CPLX2: variants seen among roughly 807,000 people sequenced by gnomAD.
CPLX2 encodes the protein complexin 2.
A neutral mutation model predicts 16.3 loss-of-function variants in CPLX2; 5 were observed. That is an observed-to-expected ratio of 0.31 (90% CI 0.16 to 0.64). The LOEUF is 0.64. Among genes scored for constraint, CPLX2 ranks in the 30% least tolerant of loss-of-function variants. The probability of loss-of-function intolerance (pLI) is 0.79; values close to 1 mark genes in which losing one functional copy is unlikely to be tolerated. For synonymous variants in CPLX2, 89 were observed against 73.2 expected, an observed-to-expected ratio of 1.22 and a Z score of -1.10; for missense variants, 144 against 181.4, an observed-to-expected ratio of 0.79 and a Z score of 1.18.
intron 2 of CPLX2, among the ~76,000 whole-genome samples, chr5:175,853,067 C>T (rs1477809642): frequency 6.6e-6 from 1 of 152,216 alleles, no homozygotes; most frequent in Non-Finnish European, 1.5e-5. Context: ...CACGGGTTTC[C>T]TTTTCACTGC....
At chr5:175,858,314 C>T (rs1759298797) in intron 2 of CPLX2, among the ~76,000 whole-genome samples, 1 of 152,248 alleles carries the variant, frequency 6.6e-6, no homozygotes, top group Non-Finnish European at 1.5e-5. Context: ...TACCCCTCTT[C>T]TGAGCACAAG....
At chr5:175,850,732 T>A (rs774927852) in intron 2 of CPLX2, among the ~76,000 whole-genome samples, 15 of 151,986 alleles carry the variant, frequency 9.9e-5, no homozygotes, top group Admixed American at 3.3e-4. Context: ...CCCACTAATA[T>A]CTGCAAGATC....
At chr5:175,852,935 T>C (rs773279321) in intron 2 of CPLX2, among the ~76,000 whole-genome samples, 1 of 152,254 alleles carries the variant, frequency 6.6e-6, no homozygotes, top group East Asian at 1.9e-4. Context: ...ACTCCAGTCA[T>C]GTCTGTGAGG....
rs1758270000 is a variant in CPLX2 at position 175,809,258 on chromosome 5, C to T, written c.-89+190C>T. 1 of 152,248 alleles carries T rather than the reference C, an allele frequency of 6.6e-6. No homozygotes were observed. The allele number at this position is 152,248 out of a possible 1,614,324, so 9.4% of individuals were successfully genotyped here. A position where few individuals can be genotyped will look rare whatever the true frequency, so the allele number is the denominator to read the frequency against. ...CTTGCATGTTCAGAGCCGTTTACAA[C>T]AGAGAAGCACTTTCTTGTGCAATGC... On this transcript the variant is annotated intron_variant, in intron 2 of 4. Coordinates refer to the CPLX2 transcript ENST00000359546. This position sits in a 1 kb window ranked among gnomAD's most constrained non-coding sequence, Gnocchi z 4.4.
At chr5:175,873,580 G>C (rs1381999853) in intron 1 of CPLX2, among the ~76,000 whole-genome samples, 1 of 152,156 alleles carries the variant, frequency 6.6e-6, no homozygotes, top group Non-Finnish European at 1.5e-5. Context: ...AAGTGCCACA[G>C]GTCTCCAAAG....
chr5:175,798,460 G>A (rs1758033049), intron 1 of CPLX2, among the ~76,000 whole-genome samples: 2 of 152,192 alleles, frequency 1.3e-5, no homozygotes. Flanking sequence ...GTTATGATAA[G>A]TATCAAGGCA....
rs117020023 is a variant in CPLX2 at position 175,819,044 on chromosome 5, C to G, written c.-89+9976C>G. ...CACGCCGTGTTGGACCCCTGCTCAGCGACGTTGGAGAGTCTCTTGAGTTGT... is the reference window on the plus strand; with the variant it reads ...CACGCCGTGTTGGACCCCTGCTCAGGGACGTTGGAGAGTCTCTTGAGTTGT... On this transcript the variant is annotated intron_variant, in intron 2 of 4. Coordinates refer to the CPLX2 transcript ENST00000359546. 2.8e-3 allele frequency among the ~76,000 whole-genome samples: 432 copies of G among 152,240 alleles called. 18 individuals are homozygous for G. The East Asian group carries it at 0.071, about 25-fold the overall frequency.
At chr5:175,864,474 ATGT>A (rs1262081626) in intron 2 of CPLX2, among the ~76,000 whole-genome samples, 23 of 152,064 alleles carry the variant, frequency 1.5e-4, no homozygotes, top group Admixed American at 1.5e-3. Flanking sequence ...AGCACTTAAC[ATGT>A]TGTATGGTCA....
intron 2 of CPLX2, among the ~76,000 whole-genome samples, chr5:175,836,314 C>T (rs956427698): frequency 2.6e-5 from 4 of 152,280 alleles, no homozygotes; most frequent in Admixed American, 2.6e-4. Flanking sequence ...CGTGCCACTG[C>T]ACTCCAGCCT....
chr5:175,820,788 C>A (rs1758492178), intron 2 of CPLX2, among the ~76,000 whole-genome samples: 1 of 152,216 alleles, frequency 6.6e-6, no homozygotes, highest in Non-Finnish European at 1.5e-5. Flanking sequence ...TCCCTCCCTT[C>A]ATGGAGTTTC....
intron 1 of CPLX2, among the ~76,000 whole-genome samples, chr5:175,799,942 G>C (rs897684761): frequency 6.6e-6 from 1 of 152,098 alleles, no homozygotes; most frequent in African/African-American, 2.4e-5. Flanking sequence ...AGGCTGCACA[G>C]TCAGAAGCCC....
intron 1 of CPLX2, 77 bp downstream of exon 1, chr5:175,871,782 GGGGCAGCTC>G (rs1254672903): frequency 6.6e-6 from 1 of 152,482 alleles, no homozygotes; most frequent in Non-Finnish European, 1.5e-5. Context: ...TCGAGGCCTT[GGGGCAGCTC>G]GGGAAGCTGG....
chr5:175,844,318 A>G (rs1759002186), intron 2 of CPLX2, among the ~76,000 whole-genome samples: 1 of 152,222 alleles, frequency 6.6e-6, no homozygotes, highest in Admixed American at 6.5e-5. Context: ...CTGTTTCTTC[A>G]TCAGGAAAAT....
At chr5:175,828,401 T>C (rs941107594) in intron 2 of CPLX2, among the ~76,000 whole-genome samples, 2 of 152,162 alleles carry the variant, frequency 1.3e-5, no homozygotes, top group Admixed American at 1.3e-4. Context: ...CAACGCACGT[T>C]AGAGGGTAGA....
intron 3 of CPLX2, among the ~76,000 whole-genome samples, chr5:175,879,526 G>C (rs1755517134): frequency 6.6e-6 from 1 of 152,226 alleles, no homozygotes; most frequent in Admixed American, 6.5e-5. Context: ...GTCTTCCATT[G>C]GTTCAAGTCA....
intron 2 of CPLX2, among the ~76,000 whole-genome samples, chr5:175,861,453 C>A (rs1186483584): frequency 6.6e-6 from 1 of 152,120 alleles, no homozygotes; most frequent in Non-Finnish European, 1.5e-5. Context: ...TAGGTTTGGA[C>A]CCGATGCTGC....
rs199844563 is a variant in CPLX2, at chr5:175,878,996, G to A, written c.120G>A (p.Ala40=). ...AQKKEEERQE[A]LRQQEEERKA... The stretch of plus-strand genomic sequence containing the variant: ...AAAAGGAGGAGGAGCGGCAGGAGGC[G>A]CTGCGGCAGCAGGAGGAGGAGCGTA... Residue 40 remains alanine, a synonymous_variant, in exon 3 of 4, where the codon GCG becomes GCA. Transcript: ENST00000393745. 8.8e-6 allele frequency: 14 copies of A among 1,599,210 alleles called. No homozygotes were observed. The South Asian group carries it at 1.2e-4, about 14-fold the overall frequency.
chr5:175,820,860 G>A (rs908727081), intron 2 of CPLX2, among the ~76,000 whole-genome samples: 2 of 152,262 alleles, frequency 1.3e-5, no homozygotes, highest in Non-Finnish European at 2.9e-5. Flanking sequence ...GGATGCCTTT[G>A]GATGGTGCTC....
chr5:175,882,156 CA>C lies in CPLX2; in HGVS notation c.*2112del, dbSNP rs1352422019. 1 of 152,700 alleles carries C rather than the reference CA, an allele frequency of 6.5e-6. No individual in the cohort carries two copies. Among genetic ancestry groups the C allele is most frequent in the Non-Finnish European group, 1.5e-5 (1 of 68,150 alleles). The allele number at this position is 152,700 out of a possible 1,614,324, so 9.5% of individuals were successfully genotyped here. A position where few individuals can be genotyped will look rare whatever the true frequency, so the allele number is the denominator to read the frequency against. On this transcript the variant is annotated 3_prime_UTR_variant, in exon 4 of 4. Transcript: ENST00000393745. Reference sequence around the variant, plus strand: ...CCTTGTGCCCCTGTGTCCAGCCCCCCAGGGGGCCTGTGTCTGTGTCTGTGCC... The same window carrying C: ...CCTTGTGCCCCTGTGTCCAGCCCCCCGGGGGCCTGTGTCTGTGTCTGTGCC...
Sources: gnomAD v4.1 joint callset for allele counts (sites outside exome capture counted in the v4.1 genomes callset) on GRCh38, gnomAD v4.1.1 for gene constraint, Gnocchi (gnomAD v3.1) non-coding constraint, MANE v1.5 for transcripts, NCBI Gene and HGNC (gene_info 2026-07-23, HGNC 2026-07-21) for gene names.